GABRB1: variants seen among roughly 807,000 people sequenced by gnomAD.
GABRB1 encodes gamma-aminobutyric acid receptor subunit beta-1.
GABRB1 carries 17 observed loss-of-function variants against 51.6 expected under a neutral mutation model. That is an observed-to-expected ratio of 0.33 (90% CI 0.23 to 0.49). The LOEUF (loss-of-function observed/expected upper bound fraction) is 0.49. Among genes scored for constraint, GABRB1 ranks in the 20% least tolerant of loss-of-function variants. The pLI, the probability that GABRB1 is intolerant of heterozygous loss-of-function variation, is 0.99. For synonymous variants in GABRB1, 247 were observed against 218.9 expected, an observed-to-expected ratio of 1.13 and a Z score of -1.14; for missense variants, 410 against 600.6, an observed-to-expected ratio of 0.68 and a Z score of 3.32.
intron 4 of GABRB1, among the ~76,000 whole-genome samples, chr4:47,254,541 T>C (rs1722124106): frequency 6.6e-6 from 1 of 151,472 alleles, no homozygotes; most frequent in African/African-American, 2.4e-5. Flanking sequence ...GATTTGTGTG[T>C]GTGTGTGTTT....
intron 3 of GABRB1, among the ~76,000 whole-genome samples, chr4:47,141,263 A>C (rs942088258): frequency 1.3e-5 from 2 of 151,990 alleles, no homozygotes; most frequent in Non-Finnish European, 2.9e-5. Flanking sequence ...GTTCCCGTCC[A>C]TCAGCCTGCT....
At chr4:47,217,679 GT>G (rs1167873468) in intron 4 of GABRB1, among the ~76,000 whole-genome samples, 1 of 151,338 alleles carries the variant, frequency 6.6e-6, no homozygotes, top group Non-Finnish European at 1.5e-5. Context: ...TTTTTTAAAT[GT>G]TTTTTATTTT....
chr4:47,256,462 CAAGG>C (rs1165198534), intron 4 of GABRB1, among the ~76,000 whole-genome samples: 1 of 152,166 alleles, frequency 6.6e-6, no homozygotes, highest in Non-Finnish European at 1.5e-5. Context: ...CTGTTTTGTA[CAAGG>C]AACTGCACTA....
intron 4 of GABRB1, among the ~76,000 whole-genome samples, chr4:47,228,082 A>G (rs1721015536): frequency 6.6e-6 from 1 of 152,172 alleles, no homozygotes; most frequent in Non-Finnish European, 1.5e-5. Context: ...AGTTTAGTCC[A>G]TAACACTCTA....
chr4:47,343,479 A>G (rs1244175423), intron 5 of GABRB1, among the ~76,000 whole-genome samples: 2 of 152,214 alleles, frequency 1.3e-5, no homozygotes, highest in Admixed American at 1.3e-4. Context: ...TAGGGTTTCA[A>G]GCCAATGAAT....
chr4:47,024,933 C>CATATATATTTATATATATATATATAT (rs1725040011), intron 1 of GABRB1, among the ~76,000 whole-genome samples: 1 of 86,200 alleles, frequency 1.2e-5, no homozygotes, highest in Non-Finnish European at 2.3e-5. Context: ...AGTATTCCAT[C>CATATATATTTATATATATATATATAT]ATATATATAT....
chr4:47,249,135 G>A (rs960197100), intron 4 of GABRB1, among the ~76,000 whole-genome samples: 3 of 152,004 alleles, frequency 2.0e-5, no homozygotes, highest in Non-Finnish European at 1.5e-5. Flanking sequence ...TCTTTTTGAT[G>A]TAGGCATTTA....
At chr4:47,424,665 G>A (rs1472698691) in intron 8 of GABRB1, among the ~76,000 whole-genome samples, 1 of 152,138 alleles carries the variant, frequency 6.6e-6, no homozygotes, top group African/African-American at 2.4e-5. Context: ...ACACATGTTA[G>A]CACAGCTCCC....
intron 8 of GABRB1, 119 bp downstream of exon 8, chr4:47,407,045 A>G: frequency 1.0e-6 from 1 of 1,003,260 alleles, no homozygotes; most frequent in Non-Finnish European, 1.4e-6. Context: ...ATAAGACTCA[A>G]CCAAGCCTTC....
chr4:47,001,865 A>G (rs1335871794), intron 1 of GABRB1, among the ~76,000 whole-genome samples: 1 of 152,244 alleles, frequency 6.6e-6, no homozygotes, highest in African/African-American at 2.4e-5. Flanking sequence ...TTGTGTGTCA[A>G]TTCAATGTTA....
At chr4:47,018,956 T>G (rs1724830645) in intron 1 of GABRB1, among the ~76,000 whole-genome samples, 1 of 152,220 alleles carries the variant, frequency 6.6e-6, no homozygotes, top group Non-Finnish European at 1.5e-5. Context: ...GCTCTTATCT[T>G]TACTGACAAT....
At chr4:47,182,950 T>C (rs1719015775) in intron 4 of GABRB1, among the ~76,000 whole-genome samples, 1 of 151,924 alleles carries the variant, frequency 6.6e-6, no homozygotes, top group Non-Finnish European at 1.5e-5. Flanking sequence ...GCCAATTGTT[T>C]ATTTATTCAT....
At chr4:47,349,617 G>A (rs575746958) in intron 5 of GABRB1, among the ~76,000 whole-genome samples, 14 of 152,224 alleles carry the variant, frequency 9.2e-5, no homozygotes, top group Admixed American at 1.3e-4. Flanking sequence ...GATCCACGCC[G>A]TATACACTGC....
intron 3 of GABRB1, among the ~76,000 whole-genome samples, chr4:47,081,155 A>T (rs2109567020): frequency 6.6e-6 from 1 of 152,320 alleles, no homozygotes; most frequent in East Asian, 1.9e-4. Context: ...AACTCTGAAA[A>T]ACTAAGACAC....
chr4:47,349,701 T>C (rs970953255), intron 5 of GABRB1, among the ~76,000 whole-genome samples: 14 of 152,210 alleles, frequency 9.2e-5, no homozygotes, highest in African/African-American at 3.4e-4. Context: ...AAGGTTAGGT[T>C]CAACAAGCTC....
intron 3 of GABRB1, among the ~76,000 whole-genome samples, chr4:47,126,325 G>A (rs756386442): frequency 1.3e-5 from 2 of 152,058 alleles, no homozygotes; most frequent in African/African-American, 2.4e-5. Context: ...AGATAAATGC[G>A]TTCTAAAGAC....
intron 4 of GABRB1, among the ~76,000 whole-genome samples, chr4:47,279,083 AATGGATGGATGG>A (rs34567848): frequency 0.013 from 1,880 of 147,382 alleles, 40 homozygotes; most frequent in African/African-American, 0.043. Flanking sequence ...CTTTCTTAGG[AATGGATGGATGG>A]ATGGATGGAT....
At position 47,413,403 on chromosome 4, in the gene GABRB1, A is replaced by T. The variant is rs375566000; in HGVS notation, c.1080+6477A>T. The stretch of plus-strand genomic sequence containing the variant: ...CTAAAACCAAAAGTCCAGACAGATA[A>T]TATGTCAATAACAAAGCAAGTATTT... On this transcript the variant is annotated intron_variant, in intron 8 of 8. Transcript: ENST00000295454. 9.8e-5 allele frequency among the ~76,000 whole-genome samples: 15 copies of T among 152,336 alleles called. No individual in the cohort carries two copies. In the East Asian group the frequency reaches 2.1e-3, roughly 22 times the overall value.
chr4:47,108,261 G>A (rs765794430), intron 3 of GABRB1, among the ~76,000 whole-genome samples: 25 of 152,024 alleles, frequency 1.6e-4, no homozygotes, highest in Non-Finnish European at 2.4e-4. Flanking sequence ...CTCAGTAGTC[G>A]TCTAAATTAA....
Sources: allele counts gnomAD v4.1 joint callset (sites outside exome capture counted in the v4.1 genomes callset), GRCh38; gene constraint gnomAD v4.1.1; transcripts MANE v1.5; gene names NCBI Gene and HGNC (gene_info 2026-07-23, HGNC 2026-07-21).